Variants in CACNB2 observed in about 807,000 individuals in gnomAD.
The protein encoded by CACNB2 is calcium voltage-gated channel auxiliary subunit beta 2, also known as voltage-dependent L-type calcium channel subunit beta-2.
In CACNB2, 42 loss-of-function variants were observed where a neutral mutation model predicts 73.3. That is an observed-to-expected ratio of 0.57 (90% CI 0.45 to 0.74). CACNB2 has a LOEUF of 0.74. CACNB2 is among the 30% of genes least tolerant of loss of function. CACNB2 has a pLI of 0.00. For synonymous variants in CACNB2, 348 were observed against 310.3 expected (o/e 1.12, Z -1.28); for missense variants, 940 against 853.0 (o/e 1.10, Z -1.27).
At chr10:18,515,889 T>C (rs956934941) in intron 7 of CACNB2, among the ~76,000 whole-genome samples, 1 of 152,242 alleles carries the variant, frequency 6.6e-6, no homozygotes, top group African/African-American at 2.4e-5. Flanking sequence ...TCTAAAACTT[T>C]AAAAACTTTT....
chr10:18,187,647 T>C (rs1175402224), intron 2 of CACNB2, among the ~76,000 whole-genome samples: 1 of 152,204 alleles, frequency 6.6e-6, no homozygotes, highest in African/African-American at 2.4e-5. Context: ...TTATACACCA[T>C]GGTCCTGAGA....
chr10:18,399,719 TC>T (rs1164393096), intron 2 of CACNB2, among the ~76,000 whole-genome samples: 2 of 152,088 alleles, frequency 1.3e-5, no homozygotes, highest in Non-Finnish European at 2.9e-5. Context: ...CTTTTTTTTT[TC>T]ATTTTTATTT....
At chr10:18,153,358 G>A (rs1485278023) in intron 2 of CACNB2, among the ~76,000 whole-genome samples, 2 of 152,020 alleles carry the variant, frequency 1.3e-5, no homozygotes, top group South Asian at 2.1e-4. Context: ...GAAAACTAGC[G>A]TCTTTGGCAA....
At chr10:18,402,103 AC>A in intron 3 of CACNB2, 60 bp downstream of exon 3, 1 of 1,569,876 alleles carries the variant, frequency 6.4e-7, no homozygotes, top group Non-Finnish European at 8.7e-7. Context: ...CTGATAGACC[AC>A]CTGTGGGAGT....
At chr10:18,511,008 A>C (rs2050744408) in intron 6 of CACNB2, among the ~76,000 whole-genome samples, 1 of 152,230 alleles carries the variant, frequency 6.6e-6, no homozygotes, top group South Asian at 2.1e-4. Flanking sequence ...TATGCCATTC[A>C]ATAAGCCCCA....
intron 2 of CACNB2, among the ~76,000 whole-genome samples, chr10:18,252,435 C>A (rs907820041): frequency 1.2e-4 from 19 of 152,320 alleles, no homozygotes; most frequent in African/African-American, 4.6e-4. Context: ...TGCTCGAAAG[C>A]TTACAGCCAG....
At chr10:18,374,363 A>G (rs895163559) in intron 2 of CACNB2, among the ~76,000 whole-genome samples, 2 of 152,308 alleles carry the variant, frequency 1.3e-5, no homozygotes, top group Middle Eastern at 3.4e-3. Context: ...AATAAGAAAG[A>G]GAGGTGTCCC....
intron 2 of CACNB2, chr10:18,400,856 CT>C (rs1326923592): frequency 6.7e-7 from 1 of 1,491,438 alleles, no homozygotes; most frequent in Non-Finnish European, 8.9e-7. Flanking sequence ...AAGAATCTCC[CT>C]GGATGGGAGT....
chr10:18,473,550 C>G (rs1305926333), intron 3 of CACNB2, among the ~76,000 whole-genome samples: 1 of 152,114 alleles, frequency 6.6e-6, no homozygotes, highest in Admixed American at 6.6e-5. Flanking sequence ...GCCTTAATGA[C>G]GCATGCAGAG....
chr10:18,506,132 C>G (rs534238828), intron 5 of CACNB2, among the ~76,000 whole-genome samples: 3 of 152,142 alleles, frequency 2.0e-5, no homozygotes, highest in African/African-American at 7.2e-5. Flanking sequence ...TTCTGTGCAT[C>G]GCCTCTGAGG....
Position 18,347,625 on chromosome 10 carries a change from A to G in CACNB2, c.214-54299A>G, listed in dbSNP as rs372603696. ...TCTCTACTGCTCTGTCTGGAAGGCT[A>G]TAAAAGCCTATACAGGTAATGCAGT... On this transcript the variant is annotated intron_variant, in intron 2 of 13. Coordinates refer to ENST00000324631, the MANE Select transcript of CACNB2 (RefSeq NM_201596.3). Among the ~76,000 whole-genome samples the G allele has an allele frequency of 2.6e-4, 40 of 152,154 alleles. 1 individual carries two copies. The East Asian group carries it at 3.5e-3, about 13-fold the overall frequency.
chr10:18,538,375 GT>G lies in CACNB2; in HGVS notation c.1488+15del, dbSNP rs1334252923. The G allele has an allele frequency of 1.9e-6, 3 of 1,602,744 alleles. No homozygotes were observed. The highest frequency in any genetic ancestry group is 2.6e-6 in the Non-Finnish European group (3 of 1,169,342). ...AGCCTCTAATTCACAGGTAAGGGGA[GT>G]TTTTATATATATCTATATATACAAT... On this transcript the variant is annotated intron_variant, in intron 13 of 13. Transcript: ENST00000324631.
chr10:18,152,737 AAAC>A lies in CACNB2; in HGVS notation c.213+1765_213+1767del, dbSNP rs1434521209. Among the ~76,000 whole-genome samples the A allele has an allele frequency of 4.6e-3, 458 of 99,246 alleles. 6 individuals carry two copies. Among genetic ancestry groups the A allele is most frequent in the African/African-American group, 0.021 (385 of 18,090 alleles). The allele number at this position is 99,246 out of a possible 152,430, so 65.1% of individuals were successfully genotyped here. On this transcript the variant is annotated intron_variant, in intron 2 of 13. Transcript: ENST00000324631. The stretch of plus-strand genomic sequence containing the variant: ...AAAAAAAAAAAAAAAAAAAAACAAA[AAAC>A]AAAACACTAGCTCCTTAGTGTGCAT...
intron 2 of CACNB2, among the ~76,000 whole-genome samples, chr10:18,190,292 A>G (rs1352495005): frequency 2.0e-5 from 3 of 152,200 alleles, no homozygotes; most frequent in Non-Finnish European, 4.4e-5. Flanking sequence ...CAGAGGGTTC[A>G]AGAACATGAT....
intron 5 of CACNB2, among the ~76,000 whole-genome samples, chr10:18,504,181 C>T (rs1023628448): frequency 3.9e-5 from 6 of 152,164 alleles, no homozygotes; most frequent in African/African-American, 7.2e-5. Flanking sequence ...TTGTAAGGAC[C>T]TGTGGGAGCA....
rs74807441 is a variant in CACNB2, at chr10:18,463,289, T to C, written c.334-35066T>C. On this transcript the variant is annotated intron_variant, in intron 3 of 13. Coordinates refer to ENST00000324631, the MANE Select transcript of CACNB2 (RefSeq NM_201596.3). ...CTGTAATCCCAGCATTTTCGGAGGC[T>C]GAGGCAGGAGGATCATTTGAGCCCA... Among the ~76,000 whole-genome samples the C allele has an allele frequency of 0.027, 4,060 of 152,138 alleles. 717 individuals carry two copies. In the East Asian group the frequency reaches 0.5, roughly 19 times the overall value.
chr10:18,350,171 G>T (rs1024659742), intron 2 of CACNB2, among the ~76,000 whole-genome samples: 1 of 152,176 alleles, frequency 6.6e-6, no homozygotes, highest in Non-Finnish European at 1.5e-5. Context: ...CTTGAACCCA[G>T]GAGATGGAGG....
chr10:18,536,654 T>G (rs1249151548), intron 12 of CACNB2, among the ~76,000 whole-genome samples: 1 of 152,154 alleles, frequency 6.6e-6, no homozygotes, highest in Non-Finnish European at 1.5e-5. Context: ...CAAAGTAAAC[T>G]GTCCTCCCTC....
chr10:18,351,569 G>A (rs779785596), intron 2 of CACNB2, among the ~76,000 whole-genome samples: 3 of 152,036 alleles, frequency 2.0e-5, no homozygotes, highest in Admixed American at 6.6e-5. Context: ...TATTGTTACC[G>A]TTTTCTGCCT....
Sources: gnomAD v4.1 joint callset for allele counts (sites outside exome capture counted in the v4.1 genomes callset) on GRCh38, gnomAD v4.1.1 for gene constraint, MANE v1.5 for transcripts, NCBI Gene and HGNC (gene_info 2026-07-23, HGNC 2026-07-21) for gene names.